The following GRM8 variants were observed in gnomAD, a reference collection of about 807,000 sequenced individuals.
GRM8 encodes glutamate metabotropic receptor 8, also known as metabotropic glutamate receptor 8.
Under a neutral mutation model 87.2 loss-of-function variants are expected in GRM8, and 47 were observed. That is an observed-to-expected ratio of 0.54 (90% confidence interval 0.43 to 0.69). The LOEUF (loss-of-function observed/expected upper bound fraction) is 0.69, where lower values mean the gene tolerates loss of function less well. Among genes scored for constraint, GRM8 ranks in the 30% least tolerant of loss-of-function variants. The pLI is 0.00. For synonymous variants in GRM8, 396 were observed against 404.5 expected (o/e 0.98, Z 0.25); for missense variants, 1,019 against 1,139.2 (o/e 0.89, Z 1.52).
chr7:126,765,607 T>A (rs922482581), intron 7 of GRM8, among the ~76,000 whole-genome samples: 4 of 152,134 alleles, frequency 2.6e-5, no homozygotes, highest in African/African-American at 9.7e-5. Flanking sequence ...GAATTAATAT[T>A]TTATTGCCTA....
intron 6 of GRM8, among the ~76,000 whole-genome samples, chr7:126,790,055 T>C (rs1418012412): frequency 6.6e-6 from 1 of 152,006 alleles, no homozygotes; most frequent in African/African-American, 2.4e-5. Flanking sequence ...TCGCCCAGGC[T>C]GGAGTGCAAT....
intron 7 of GRM8, among the ~76,000 whole-genome samples, chr7:126,672,487 C>T (rs1188088230): frequency 1.3e-5 from 2 of 152,186 alleles, no homozygotes; most frequent in Non-Finnish European, 2.9e-5. Flanking sequence ...CTTTTCTCTT[C>T]CTCTGGTCTC....
chr7:126,483,305 C>T (rs182768823), intron 9 of GRM8, among the ~76,000 whole-genome samples: 19 of 149,014 alleles, frequency 1.3e-4, no homozygotes, highest in Non-Finnish European at 2.5e-4. Flanking sequence ...TATATATAAA[C>T]GTGTTATCTG....
intron 7 of GRM8, among the ~76,000 whole-genome samples, chr7:126,746,201 A>C (rs1815655335): frequency 1.3e-5 from 2 of 151,774 alleles, no homozygotes; most frequent in Non-Finnish European, 3.0e-5. Context: ...ATTAGACAAA[A>C]ATTATACAAA....
intron 2 of GRM8, among the ~76,000 whole-genome samples, chr7:127,218,502 T>A (rs925550828): frequency 6.6e-6 from 1 of 152,118 alleles, no homozygotes; most frequent in African/African-American, 2.4e-5. Flanking sequence ...GTTTCCTCAA[T>A]GTAAGGTGAG....
At chr7:127,190,161 T>C (rs949523949) in intron 2 of GRM8, among the ~76,000 whole-genome samples, 12 of 152,170 alleles carry the variant, frequency 7.9e-5, no homozygotes, top group Non-Finnish European at 1.5e-4. Flanking sequence ...TAGAGCAGGC[T>C]ATGCAGACAT....
intron 2 of GRM8, among the ~76,000 whole-genome samples, chr7:127,236,880 T>C (rs186502549): frequency 2.2e-4 from 33 of 152,136 alleles, no homozygotes; most frequent in Middle Eastern, 3.4e-3. Context: ...ACAAACTAGA[T>C]AGACATGCCC....
chr7:127,057,114 G>A lies in GRM8; in HGVS notation c.727+49382C>T, dbSNP rs186757251. Reference sequence around the variant, plus strand: ...ATTGTAAAGTTCCTTTCACCAGTGAGAAACATACAGCTTTATATCCACGTT... The same window carrying A: ...ATTGTAAAGTTCCTTTCACCAGTGAAAAACATACAGCTTTATATCCACGTT... On this transcript the variant is annotated intron_variant, in intron 3 of 10. Transcript: ENST00000339582. 1.9e-3 allele frequency among the ~76,000 whole-genome samples: 290 copies of A among 152,250 alleles called. 1 individual carries two copies. The highest frequency in any genetic ancestry group is 6.7e-3 in the African/African-American group (277 of 41,550).
At chr7:126,831,618 C>T (rs1324107466) in intron 6 of GRM8, among the ~76,000 whole-genome samples, 2 of 152,152 alleles carry the variant, frequency 1.3e-5, no homozygotes, top group African/African-American at 2.4e-5. Flanking sequence ...CTTTCCTTGA[C>T]CAGGAAAGGG....
intron 3 of GRM8, among the ~76,000 whole-genome samples, chr7:126,923,644 G>A (rs1274914211): frequency 6.6e-6 from 1 of 152,168 alleles, no homozygotes; most frequent in Admixed American, 6.6e-5. Context: ...AGGGAAACAC[G>A]TGAGAACCCA....
chr7:126,905,721 T>C (rs1173052320), intron 3 of GRM8, among the ~76,000 whole-genome samples: 1 of 152,142 alleles, frequency 6.6e-6, no homozygotes, highest in Admixed American at 6.5e-5. Context: ...GTCTGGGAAA[T>C]AGGCATTTGA....
At chr7:127,086,088 G>C (rs752426640) in intron 3 of GRM8, among the ~76,000 whole-genome samples, 1 of 151,992 alleles carries the variant, frequency 6.6e-6, no homozygotes, top group Non-Finnish European at 1.5e-5. Context: ...AAAGTTTTTG[G>C]TTTGTTTTTG....
chr7:127,116,610 A>G (rs1035109991), intron 2 of GRM8, among the ~76,000 whole-genome samples: 9 of 152,240 alleles, frequency 5.9e-5, no homozygotes, highest in Admixed American at 5.9e-4. Context: ...CGCAAGGGAC[A>G]GGGCAAGCTT....
At chr7:126,529,709 A>G (rs1435746659) in intron 9 of GRM8, among the ~76,000 whole-genome samples, 2 of 152,140 alleles carry the variant, frequency 1.3e-5, no homozygotes, top group African/African-American at 2.4e-5. Flanking sequence ...CGATTTTATG[A>G]GCCCAATTAA....
At chr7:127,028,797 AT>A (rs1450095543) in intron 3 of GRM8, among the ~76,000 whole-genome samples, 1 of 151,780 alleles carries the variant, frequency 6.6e-6, no homozygotes, top group African/African-American at 2.4e-5. Flanking sequence ...GGATTCATTG[AT>A]TTTTTGAAGG....
chr7:126,637,764 A>G (rs998387660), intron 7 of GRM8, among the ~76,000 whole-genome samples: 18 of 152,202 alleles, frequency 1.2e-4, no homozygotes, highest in African/African-American at 4.1e-4. Flanking sequence ...TGCTTAATCT[A>G]TTTACAGCAG....
At chr7:126,845,822 A>G in intron 6 of GRM8, among the ~76,000 whole-genome samples, 1 of 151,984 alleles carries the variant, frequency 6.6e-6, no homozygotes, top group East Asian at 1.9e-4. Context: ...TTCCTGTCCT[A>G]GGGTTTGAAG....
intron 2 of GRM8, among the ~76,000 whole-genome samples, chr7:127,130,618 T>C (rs1305595811): frequency 6.6e-6 from 1 of 152,146 alleles, no homozygotes; most frequent in Non-Finnish European, 1.5e-5. Flanking sequence ...AAGAAATTTC[T>C]GGGATGATTG....
intron 7 of GRM8, among the ~76,000 whole-genome samples, chr7:126,763,423 CATT>C (rs1817801417): frequency 7.2e-6 from 1 of 139,188 alleles, no homozygotes; most frequent in Non-Finnish European, 1.5e-5. Flanking sequence ...TAAAAGCCAC[CATT>C]ATCATATGAT....
Sources: allele counts gnomAD v4.1 joint callset (sites outside exome capture counted in the v4.1 genomes callset), GRCh38; gene constraint gnomAD v4.1.1; transcripts MANE v1.5; gene names NCBI Gene and HGNC (gene_info 2026-07-23, HGNC 2026-07-21).